The following KCNT2 variants were observed in gnomAD, a reference collection of about 807,000 sequenced individuals.
KCNT2 encodes potassium channel subfamily T member 2.
In KCNT2, 67 loss-of-function variants were observed where a neutral mutation model predicts 153.8. The observed-to-expected ratio is 0.44, with a 90% CI of 0.36 to 0.53. The LOEUF (loss-of-function observed/expected upper bound fraction) is 0.53, where lower values mean the gene tolerates loss of function less well. Ranked by LOEUF, KCNT2 falls within the 20% of genes least tolerant of loss-of-function variation. The pLI is 0.00. For missense variants in KCNT2, 975 were observed against 1,354.8 expected (o/e 0.72, Z 4.40); for synonymous variants, 500 against 458.8 (o/e 1.09, Z -1.15).
intron 12 of KCNT2, among the ~76,000 whole-genome samples, chr1:196,418,428 T>G (rs1672924401): frequency 6.6e-6 from 1 of 152,108 alleles, no homozygotes; most frequent in African/African-American, 2.4e-5. Flanking sequence ...ATTGTGTCAT[T>G]CAACTCCAGC....
intron 1 of KCNT2, among the ~76,000 whole-genome samples, chr1:196,607,741 T>C (rs547084829): frequency 2.3e-4 from 35 of 152,284 alleles, no homozygotes; most frequent in Non-Finnish European, 4.1e-4. Context: ...AGATACCTAC[T>C]CAAGACAACA....
At chr1:196,408,545 G>T (rs775797956) in intron 12 of KCNT2, among the ~76,000 whole-genome samples, 6 of 151,482 alleles carry the variant, frequency 4.0e-5, no homozygotes, top group African/African-American at 1.5e-4. Context: ...AAGATTTAAA[G>T]ATATAAATTT....
At chr1:196,249,117 A>G (rs1218246934) in intron 26 of KCNT2, among the ~76,000 whole-genome samples, 3 of 152,154 alleles carry the variant, frequency 2.0e-5, no homozygotes, top group Non-Finnish European at 4.4e-5. Flanking sequence ...ATGATTAAAA[A>G]AAAACTAAAA....
chr1:196,435,525 A>G (rs1674579591), intron 8 of KCNT2, among the ~76,000 whole-genome samples: 1 of 151,674 alleles, frequency 6.6e-6, no homozygotes, highest in Admixed American at 6.6e-5. Context: ...AATATAAGAT[A>G]TATTTATTTT....
In KCNT2 at chr1:196,284,355, G is replaced by A. The variant is rs1286916046; in HGVS notation, c.2697+1302C>T. ...GTATCTCTATTTATAACATAAACGT[G>A]AGGCAAAAACAAAGAGAAAGAAAAA... On this transcript the variant is annotated intron_variant, in intron 23 of 27. Coordinates refer to ENST00000294725, the MANE Select transcript of KCNT2 (RefSeq NM_198503.5). 2.1e-5 allele frequency among the ~76,000 whole-genome samples: 3 copies of A among 139,626 alleles called. No homozygotes were observed. In the Admixed American group the frequency reaches 2.2e-4, roughly 10 times the overall value. The allele number at this position is 139,626 out of a possible 152,430, so 91.6% of individuals were successfully genotyped here.
rs189849119 is a variant in KCNT2 at position 196,424,454 on chromosome 1, T to C, written c.1122-1341A>G. Among the ~76,000 whole-genome samples, 3 of 152,078 alleles carry C rather than the reference T, an allele frequency of 2.0e-5. No homozygotes were observed. In the East Asian group the frequency reaches 5.8e-4, roughly 30 times the overall value. On this transcript the variant is annotated intron_variant, in intron 11 of 27. Transcript: ENST00000294725. ...AGTAGTATCTAAGCATCTATTTCTC[T>C]AGCACACCCAAATAATGAGTATAGA...
intron 12 of KCNT2, among the ~76,000 whole-genome samples, chr1:196,419,551 T>C (rs913946435): frequency 3.3e-5 from 5 of 151,654 alleles, no homozygotes; most frequent in Admixed American, 1.3e-4. Flanking sequence ...CCATGGTGTA[T>C]ATGTGCCACA....
chr1:196,509,075 C>A lies in KCNT2; in HGVS notation c.96-16734G>T, dbSNP rs990481179. On this transcript the variant is annotated intron_variant, in intron 1 of 27. Transcript: ENST00000294725. Reference sequence around the variant, plus strand: ...CCTGAGGTCAGCAGTTCGAGAGCAGCCTGCCCAATATGGTGAAACCCCGTC... The same window carrying A: ...CCTGAGGTCAGCAGTTCGAGAGCAGACTGCCCAATATGGTGAAACCCCGTC... 2.0e-5 allele frequency among the ~76,000 whole-genome samples: 3 copies of A among 152,028 alleles called. No individual in the cohort carries two copies. In the East Asian group the frequency reaches 5.8e-4, roughly 29 times the overall value.
chr1:196,564,181 A>G (rs1296336750), intron 1 of KCNT2, among the ~76,000 whole-genome samples: 1 of 151,894 alleles, frequency 6.6e-6, no homozygotes, highest in African/African-American at 2.4e-5. Context: ...TGCAGGATAC[A>G]AAATCACATA....
chr1:196,537,614 C>T (rs527945252), intron 1 of KCNT2, among the ~76,000 whole-genome samples: 1 of 152,208 alleles, frequency 6.6e-6, no homozygotes, highest in Non-Finnish European at 1.5e-5. Context: ...CTTTACACCC[C>T]TACCTGGTTG....
At chr1:196,395,424 T>A (rs1670852575) in intron 13 of KCNT2, among the ~76,000 whole-genome samples, 1 of 151,654 alleles carries the variant, frequency 6.6e-6, no homozygotes, top group Admixed American at 6.6e-5. Flanking sequence ...AATACAAATT[T>A]GTTATGAAGA....
At chr1:196,491,180 T>A (rs2148730634) in intron 2 of KCNT2, among the ~76,000 whole-genome samples, 1 of 152,086 alleles carries the variant, frequency 6.6e-6, no homozygotes, top group African/African-American at 2.4e-5. Context: ...GATAGGACTG[T>A]TAGTACTGAA....
intron 13 of KCNT2, among the ~76,000 whole-genome samples, chr1:196,374,640 T>C (rs1668801592): frequency 6.6e-6 from 1 of 151,822 alleles, no homozygotes; most frequent in African/African-American, 2.4e-5. Context: ...CTAGATACAA[T>C]TTTGAATGCA....
At chr1:196,312,593 G>A (rs182145269) in intron 21 of KCNT2, among the ~76,000 whole-genome samples, 5 of 151,712 alleles carry the variant, frequency 3.3e-5, no homozygotes, top group Admixed American at 2.6e-4. Flanking sequence ...AGGTGCAGCA[G>A]GCATTCTATT....
Position 196,411,023 on chromosome 1 carries a change from C to G in KCNT2, c.1185+12027G>C, listed in dbSNP as rs538842415. ...TCCTCATTGCTCCCTCCCTCCCTCC[C>G]TTCCCACCTTCCTCCCTCCCTCCCT... On this transcript the variant is annotated intron_variant, in intron 12 of 27. Transcript: ENST00000294725. Among the ~76,000 whole-genome samples, 192 of 140,594 alleles carry G rather than the reference C, an allele frequency of 1.4e-3. 1 individual carries two copies. Among genetic ancestry groups the G allele is most frequent in the Non-Finnish European group, 2.3e-3 (147 of 63,108 alleles). 92.2% of individuals were successfully genotyped at this position (140,594 alleles called of 152,430 possible).
chr1:196,442,483 C>T (rs565549318), intron 8 of KCNT2, among the ~76,000 whole-genome samples: 93 of 151,670 alleles, frequency 6.1e-4, no homozygotes, highest in Non-Finnish European at 1.2e-3. Context: ...AAAATAATAG[C>T]TAATGTACAT....
At chr1:196,382,073 G>A (rs1669540298) in intron 13 of KCNT2, among the ~76,000 whole-genome samples, 1 of 69,958 alleles carries the variant, frequency 1.4e-5, no homozygotes, top group Non-Finnish European at 3.6e-5. Flanking sequence ...AGGAAATAAT[G>A]TTTAACCAAA....
chr1:196,506,281 T>C (rs185933059), intron 1 of KCNT2, among the ~76,000 whole-genome samples: 9 of 152,294 alleles, frequency 5.9e-5, no homozygotes, highest in Admixed American at 5.2e-4. Context: ...ATAGCATATA[T>C]GTAAAATATG....
At chr1:196,397,043 A>G (rs757035561) in intron 13 of KCNT2, among the ~76,000 whole-genome samples, 26 of 151,556 alleles carry the variant, frequency 1.7e-4, no homozygotes, top group Admixed American at 2.0e-4. Context: ...TTCAGACATT[A>G]TTTATTAAAT....
Sources: allele counts gnomAD v4.1 joint callset (sites outside exome capture counted in the v4.1 genomes callset), GRCh38; gene constraint gnomAD v4.1.1; transcripts MANE v1.5; gene names NCBI Gene and HGNC (gene_info 2026-07-23, HGNC 2026-07-21).